SH3RF3: variants seen among roughly 807,000 people sequenced by gnomAD.
The protein encoded by SH3RF3 is E3 ubiquitin-protein ligase SH3RF3.
A neutral mutation model predicts 66.3 loss-of-function variants in SH3RF3; 29 were observed. The ratio of observed to expected loss-of-function variants is 0.44; its 90% confidence interval spans 0.33 to 0.60. The LOEUF is 0.60. Ranked by LOEUF, SH3RF3 falls within the 20% of genes least tolerant of loss-of-function variation. The pLI is 0.04. For missense variants in SH3RF3, 1,194 were observed against 1,190.9 expected, an observed-to-expected ratio of 1.00 and a Z score of -0.04; for synonymous variants, 583 against 532.0, an observed-to-expected ratio of 1.10 and a Z score of -1.32.
At chr2:109,334,403 C>T in intron 1 of SH3RF3, among the ~76,000 whole-genome samples, 1 of 150,390 alleles carries the variant, frequency 6.6e-6, no homozygotes, top group South Asian at 2.1e-4. Context: ...AAGACCACCT[C>T]ATCATCAGGG....
chr2:109,293,706 T>C (rs1055825524), intron 1 of SH3RF3, among the ~76,000 whole-genome samples: 7 of 152,220 alleles, frequency 4.6e-5, no homozygotes, highest in Non-Finnish European at 1.0e-4. Flanking sequence ...GTCCTAGCAA[T>C]GTTCATGTTG....
At chr2:109,431,462 A>G (rs561857665) in intron 5 of SH3RF3, among the ~76,000 whole-genome samples, 4 of 152,354 alleles carry the variant, frequency 2.6e-5, no homozygotes, top group South Asian at 4.1e-4. Flanking sequence ...AATCTTTACA[A>G]GGAAAAGATA....
chr2:109,501,688 C>T lies in SH3RF3; in HGVS notation c.*17C>T. 1 of 744,946 alleles carries T rather than the reference C, an allele frequency of 1.3e-6. No individual in the cohort carries two copies. Among genetic ancestry groups the T allele is most frequent in the South Asian group, 1.4e-5 (1 of 69,700 alleles). The allele number at this position is 744,946 out of a possible 1,614,324, so 46.1% of individuals were successfully genotyped here. ...AGCTTCTGAGAACTGGTGCTCCCTG[C>T]ACCCAGCTCACAGAGGGGGAGGCCG... On this transcript the variant is annotated 3_prime_UTR_variant, in exon 10 of 10. Transcript: ENST00000309415.
At chr2:109,491,531 G>A (rs553060666) in intron 9 of SH3RF3, among the ~76,000 whole-genome samples, 1 of 152,224 alleles carries the variant, frequency 6.6e-6, no homozygotes, top group South Asian at 2.1e-4. Flanking sequence ...GGTTTTTACC[G>A]ATCTGGAAAC....
At chr2:109,164,263 G>C (rs1677563579) in intron 1 of SH3RF3, among the ~76,000 whole-genome samples, 1 of 152,036 alleles carries the variant, frequency 6.6e-6, no homozygotes, top group Non-Finnish European at 1.5e-5. Flanking sequence ...ACTCACTGCG[G>C]CCTCGGCCTC....
intron 3 of SH3RF3, among the ~76,000 whole-genome samples, chr2:109,372,329 G>A (rs1365264376): frequency 2.6e-5 from 4 of 152,218 alleles, no homozygotes. Context: ...CTGCTAGCCT[G>A]GGGCTGTGTG....
At chr2:109,189,150 G>A (rs1310199683) in intron 1 of SH3RF3, among the ~76,000 whole-genome samples, 4 of 151,838 alleles carry the variant, frequency 2.6e-5, no homozygotes, top group Admixed American at 6.6e-5. Flanking sequence ...CTGTGACCTC[G>A]CTGACAGTGT....
At chr2:109,334,379 C>G (rs1023021332) in intron 1 of SH3RF3, among the ~76,000 whole-genome samples, 4 of 115,880 alleles carry the variant, frequency 3.5e-5, no homozygotes, top group Non-Finnish European at 6.9e-5. Flanking sequence ...AAAAAAAAAT[C>G]TTAAAAAAAA....
intron 1 of SH3RF3, among the ~76,000 whole-genome samples, chr2:109,253,793 A>G (rs1680153095): frequency 6.6e-6 from 1 of 152,200 alleles, no homozygotes; most frequent in Non-Finnish European, 1.5e-5. Flanking sequence ...ATTGCTATAT[A>G]GGTTGACACA....
At chr2:109,452,184 C>T (rs1170945875) in intron 8 of SH3RF3, among the ~76,000 whole-genome samples, 1 of 152,146 alleles carries the variant, frequency 6.6e-6, no homozygotes, top group African/African-American at 2.4e-5. Flanking sequence ...CATTTTAGTC[C>T]ACTGCTCAGA....
chr2:109,276,091 G>C (rs1428034914), intron 1 of SH3RF3, among the ~76,000 whole-genome samples: 1 of 152,140 alleles, frequency 6.6e-6, no homozygotes, highest in Non-Finnish European at 1.5e-5. Flanking sequence ...TTCCCAGGAA[G>C]GGGGATCTCG....
chr2:109,162,213 G>C (rs4676251), intron 1 of SH3RF3, among the ~76,000 whole-genome samples: 123,625 of 152,120 alleles, frequency 0.81, 50,415 homozygotes, highest in East Asian at 0.89. Context: ...GTGTGCCTAG[G>C]CTTGATCTCC....
chr2:109,498,949 G>C (rs570182369), intron 9 of SH3RF3, among the ~76,000 whole-genome samples: 1 of 152,354 alleles, frequency 6.6e-6, no homozygotes, highest in South Asian at 2.1e-4. Context: ...CGGCAGGGCA[G>C]AGCTGGTGGA....
intron 1 of SH3RF3, among the ~76,000 whole-genome samples, chr2:109,215,454 A>G (rs981745326): frequency 2.0e-5 from 3 of 152,038 alleles, no homozygotes; most frequent in African/African-American, 7.2e-5. Context: ...TCCTCAAGCC[A>G]CTTTACACCA....
At chr2:109,356,911 TC>T (rs1252416198) in intron 2 of SH3RF3, among the ~76,000 whole-genome samples, 1 of 152,044 alleles carries the variant, frequency 6.6e-6, no homozygotes, top group African/African-American at 2.4e-5. Flanking sequence ...CCCACCTCCT[TC>T]CCTGGCTTGC....
chr2:109,206,328 A>G (rs956190012), intron 1 of SH3RF3, among the ~76,000 whole-genome samples: 1 of 151,758 alleles, frequency 6.6e-6, no homozygotes, highest in Non-Finnish European at 1.5e-5. Flanking sequence ...GTCTCTACTA[A>G]AAAATACCAA....
intron 1 of SH3RF3, among the ~76,000 whole-genome samples, chr2:109,296,390 G>GTTTT (rs537851058): frequency 1.3e-5 from 2 of 148,452 alleles, no homozygotes; most frequent in African/African-American, 5.0e-5. Context: ...ACCACACCCA[G>GTTTT]TTTTTTTTTT....
At chr2:109,432,445 G>T in intron 5 of SH3RF3, 56 bp from the exon 6 acceptor site, 1 of 1,598,472 alleles carries the variant, frequency 6.3e-7, no homozygotes, top group Non-Finnish European at 8.5e-7. Flanking sequence ...AATGCCGGCC[G>T]GTCCCCTATC....
chr2:109,396,314 T>C (rs1049941965), intron 3 of SH3RF3, among the ~76,000 whole-genome samples: 2 of 152,178 alleles, frequency 1.3e-5, no homozygotes, highest in Non-Finnish European at 2.9e-5. Flanking sequence ...GAGGAAACAT[T>C]TCAAAGGAAA....
Sources: gnomAD v4.1 joint callset for allele counts (sites outside exome capture counted in the v4.1 genomes callset) on GRCh38, gnomAD v4.1.1 for gene constraint, MANE v1.5 for transcripts, NCBI Gene and HGNC (gene_info 2026-07-23, HGNC 2026-07-21) for gene names.